The following NLRP14 variants were observed in gnomAD, a reference collection of about 807,000 sequenced individuals.
NLRP14 encodes the protein NLR family pyrin domain containing 14, also known as NACHT, LRR and PYD domains-containing protein 14.
NLRP14 carries 105 observed loss-of-function variants against 94.7 expected under a neutral mutation model. The ratio of observed to expected loss-of-function variants is 1.11; its 90% CI spans 0.95 to 1.30. NLRP14 has a LOEUF of 1.30. Among genes scored for constraint, NLRP14 ranks in the 50% most tolerant of loss-of-function variants. NLRP14 has a pLI of 0.00. For missense variants in NLRP14, 1,362 were observed against 1,254.1 expected, an observed-to-expected ratio of 1.09 and a Z score of -1.30; for synonymous variants, 508 against 459.9, an observed-to-expected ratio of 1.10 and a Z score of -1.34.
chr11:7,075,291 A>G (rs890946641), downstream of NLRP14, among the ~76,000 whole-genome samples: 2 of 152,212 alleles, frequency 1.3e-5, no homozygotes, highest in African/African-American at 4.8e-5. Context: ...GACTATGCAA[A>G]GACCTAGTAT....
In NLRP14 at chr11:7,070,412, A is replaced by G. The variant is rs768142689; in HGVS notation, c.3102A>G (p.Leu1034=). Residue 1034 remains leucine (L), a synonymous_variant, in exon 11 of 12, where the codon TTA becomes TTG. Transcript: ENST00000299481. ...TAGGATATGAAGGAATTGTGAAGTT[A>G]TATAAAGTCTTGAAGTCTCCTAAGT... ...NTLGYEGIVK[L]YKVLKSPKCK... The G allele has an allele frequency of 1.2e-6, 2 of 1,611,864 alleles. No homozygotes were observed. The highest frequency in any genetic ancestry group is 2.2e-5 in the East Asian group (1 of 44,828).
At chr11:7,051,756 G>A (rs1450150937) in intron 6 of NLRP14, among the ~76,000 whole-genome samples, 4 of 152,136 alleles carry the variant, frequency 2.6e-5, no homozygotes, top group African/African-American at 9.7e-5. Flanking sequence ...CTGAGTAGCT[G>A]GGACTACAGG....
the NLRP14 span, among the ~76,000 whole-genome samples, chr11:7,083,629 A>G: frequency 3.6e-4 from 55 of 152,296 alleles, no homozygotes; most frequent in Non-Finnish European, 7.5e-4. Flanking sequence ...AAGGCAAAAC[A>G]GTTTTTAGTG....
chr11:7,066,354 A>T (rs1783913981), intron 10 of NLRP14, among the ~76,000 whole-genome samples: 1 of 152,208 alleles, frequency 6.6e-6, no homozygotes, highest in African/African-American at 2.4e-5. Context: ...GTTTCTCCAC[A>T]TCCTCTCCAG....
chr11:7,050,913 A>G (rs1852433451), intron 6 of NLRP14, among the ~76,000 whole-genome samples: 1 of 152,220 alleles, frequency 6.6e-6, no homozygotes, highest in Non-Finnish European at 1.5e-5. Context: ...ACTGTTTCCT[A>G]TATCTAAAAA....
intron 5 of NLRP14, among the ~76,000 whole-genome samples, chr11:7,048,457 TG>T (rs1852392452): frequency 6.6e-6 from 1 of 152,210 alleles, no homozygotes; most frequent in Non-Finnish European, 1.5e-5. Context: ...ATGAACTGAA[TG>T]CTGAACAAAT....
the NLRP14 span, among the ~76,000 whole-genome samples, chr11:7,081,982 G>GC: frequency 9.9e-5 from 15 of 152,170 alleles, no homozygotes; most frequent in African/African-American, 3.6e-4. Context: ...GTAATCTAGG[G>GC]CCCCCACCAT....
At chr11:7,064,107 C>T (rs923852957) in intron 10 of NLRP14, among the ~76,000 whole-genome samples, 11 of 152,158 alleles carry the variant, frequency 7.2e-5, no homozygotes, top group African/African-American at 2.7e-4. Flanking sequence ...TAAGCAGTCT[C>T]ACTGGTAGTT....
chr11:7,059,465 C>A (rs1017997191), intron 8 of NLRP14, among the ~76,000 whole-genome samples: 1 of 151,754 alleles, frequency 6.6e-6, no homozygotes. Flanking sequence ...TATTTTCCCC[C>A]ATATATCAGA....
chr11:7,046,681 A>G lies in NLRP14; in HGVS notation c.1972A>G (p.Ile658Val). The G allele has an allele frequency of 6.2e-7, 1 of 1,613,774 alleles. No homozygotes were observed. The highest frequency in any genetic ancestry group is 1.6e-4 in the Middle Eastern group (1 of 6,062). ...ATTTATGCAAAGGGATGGTGATCGC[A>G]TTACTCACTGTTGGCAAGATCTCTG... ...LPTNTWDGDR[I>V]THCWQDLCSV... is the part of the protein sequence containing the mutation. Residue 658 changes from isoleucine to valine, a missense_variant, in exon 5 of 12, where the codon ATT becomes GTT. Coordinates refer to ENST00000299481, the MANE Select transcript of NLRP14 (RefSeq NM_176822.4).
downstream of NLRP14, among the ~76,000 whole-genome samples, chr11:7,072,735 C>T (rs934574345): frequency 6.6e-6 from 1 of 152,178 alleles, no homozygotes; most frequent in African/African-American, 2.4e-5. Context: ...GGTCAAAGTC[C>T]ACCATCTTGC....
Position 7,026,720 on chromosome 11 carries a change from A to G in NLRP14, c.-22+5950A>G, listed in dbSNP as rs939533641. Among the ~76,000 whole-genome samples, 11 of 150,908 alleles carry G rather than the reference A, an allele frequency of 7.3e-5. No homozygotes were observed. The East Asian group carries it at 9.8e-4, about 13-fold the overall frequency. On this transcript the variant is annotated intron_variant, in intron 1 of 11. Transcript: ENST00000299481. ...ACACATGCACACGTATGTTTATTGC[A>G]GCACTATTCACAATAGCAAAGACTT...
chr11:7,063,968 A>G (rs1646448396), intron 10 of NLRP14, among the ~76,000 whole-genome samples: 1 of 152,126 alleles, frequency 6.6e-6, no homozygotes, highest in Non-Finnish European at 1.5e-5. Flanking sequence ...TCCCCAGTAA[A>G]GAGACAGTTA....
intron 5 of NLRP14, among the ~76,000 whole-genome samples, chr11:7,047,269 G>T (rs892838327): frequency 6.6e-6 from 1 of 151,810 alleles, no homozygotes; most frequent in Non-Finnish European, 1.5e-5. Context: ...CCCAAAACAA[G>T]ATAGAAAATA....
the NLRP14 span, among the ~76,000 whole-genome samples, chr11:7,086,132 A>T: frequency 0.58 from 88,341 of 152,106 alleles, 26,691 homozygotes; most frequent in East Asian, 0.78. Context: ...TGTTTTTAAT[A>T]GTGGCTGTAC....
chr11:7,048,366 G>A (rs1336994163), intron 5 of NLRP14, among the ~76,000 whole-genome samples: 2 of 152,044 alleles, frequency 1.3e-5, no homozygotes, highest in Non-Finnish European at 2.9e-5. Flanking sequence ...TTTGTGTAAG[G>A]ACTCCACTAG....
At chr11:7,085,558 T>A in the NLRP14 span, among the ~76,000 whole-genome samples, 2 of 152,242 alleles carry the variant, frequency 1.3e-5, no homozygotes, top group African/African-American at 4.8e-5. Flanking sequence ...TGTCAGAATT[T>A]CCTTCCCTAA....
At chr11:7,031,753 A>G (rs1191680684) in intron 1 of NLRP14, among the ~76,000 whole-genome samples, 1 of 152,100 alleles carries the variant, frequency 6.6e-6, no homozygotes, top group Non-Finnish European at 1.5e-5. Flanking sequence ...GTCTTCCCCT[A>G]GCCCCTCTCC....
chr11:7,038,646 G>A lies in NLRP14; in HGVS notation c.60G>A (p.Glu20=). 6.2e-7 allele frequency: 1 copy of A among 1,613,888 alleles called. No individual in the cohort carries two copies. ...FPDFGLLLYL[E]ELNKEELNTF... ...ATTTTGGGCTGCTATTGTATTTGGA[G>A]GAGCTAAACAAAGAGGAATTAAATA... The change falls in exon 2 of 12, where the codon GAG becomes GAA. Residue 20 remains glutamate (E), a synonymous_variant. Coordinates refer to ENST00000299481, the MANE Select transcript of NLRP14 (RefSeq NM_176822.4).
Sources: allele counts gnomAD v4.1 joint callset (sites outside exome capture counted in the v4.1 genomes callset), GRCh38; gene constraint gnomAD v4.1.1; transcripts MANE v1.5; gene names NCBI Gene and HGNC (gene_info 2026-07-23, HGNC 2026-07-21).